The following UNK variants were observed in gnomAD, a reference collection of about 807,000 sequenced individuals.
UNK encodes RING finger protein unkempt homolog.
Under a neutral mutation model 97.6 loss-of-function variants are expected in UNK, and 32 were observed. That is an observed-to-expected ratio of 0.33 (90% CI 0.25 to 0.44). UNK has a LOEUF of 0.44. Ranked by LOEUF, UNK falls within the 20% of genes least tolerant of loss-of-function variation. The pLI is 1.00. For synonymous variants in UNK, 441 were observed against 461.2 expected (o/e 0.96, Z 0.56); for missense variants, 771 against 1,098.4 (o/e 0.70, Z 4.21).
At position 75,812,209 on chromosome 17, in the gene UNK, G is replaced by A; in HGVS notation, c.412G>A (p.Gly138Ser). 6.2e-7 allele frequency: 1 copy of A among 1,614,026 alleles called. No individual in the cohort carries two copies. Among genetic ancestry groups the A allele is most frequent in the Non-Finnish European group, 8.5e-7 (1 of 1,179,908 alleles). The part of the protein sequence containing the change: ...GICIHETDSK[G>S]NCTKNGLHCA... Reference sequence around the variant, plus strand: ...CTGCATCCACGAGACAGACTCGAAAGGCAACTGCACCAAAAACGGCCTGCA... The same window carrying A: ...CTGCATCCACGAGACAGACTCGAAAAGCAACTGCACCAAAAACGGCCTGCA... The change falls in exon 3 of 16, where the codon GGC becomes AGC. Residue 138 changes from glycine to serine, a missense_variant. Coordinates refer to ENST00000589666, the MANE Select transcript of UNK (RefSeq NM_001080419.3).
intron 1 of UNK, among the ~76,000 whole-genome samples, chr17:75,804,706 C>G (rs1008050867): frequency 6.7e-6 from 1 of 149,712 alleles, no homozygotes; most frequent in African/African-American, 2.5e-5. Flanking sequence ...CAGGTGTGGT[C>G]ACGGGCACCT....
chr17:75,820,009 C>T lies in UNK; in HGVS notation c.1738C>T (p.Pro580Ser). The change falls in exon 13 of 16, where the codon CCC becomes TCC. Residue 580 changes from proline (P) to serine (S), a missense_variant. This residue lies in a region of UNK where 91 missense variants were observed against 173.1 expected (regional missense o/e 0.53). Transcript: ENST00000589666. ...ASFHSASPSP[P>S]VSLSSHFLQQ... The stretch of plus-strand genomic sequence containing the variant: ...CTTCCACTCAGCATCCCCGTCCCCT[C>T]CCGTCAGCCTCTCCTCGCATTTCCT... The T allele has an allele frequency of 6.2e-7, 1 of 1,613,908 alleles. No individual in the cohort carries two copies. Among genetic ancestry groups the T allele is most frequent in the South Asian group, 1.1e-5 (1 of 91,088 alleles).
intron 5 of UNK, 131 bp downstream of exon 5, chr17:75,813,344 G>A (rs2061987545): frequency 1.5e-6 from 2 of 1,304,940 alleles, no homozygotes; most frequent in African/African-American, 3.0e-5. Flanking sequence ...GCAAGCCCAG[G>A]GCCCAGGGGA....
chr17:75,823,550 G>A, intron 15 of UNK, 28 bp downstream of exon 15: 1 of 1,508,382 alleles, frequency 6.6e-7, no homozygotes, highest in Non-Finnish European at 8.9e-7. Flanking sequence ...AGCACTGGGT[G>A]GGATGCACGG....
Position 75,805,810 on chromosome 17 carries a change from A to ATGTGTGTGTGTGTGTG in UNK, c.105-3930_105-3915dup, listed in dbSNP as rs61000364. 6.1e-3 allele frequency among the ~76,000 whole-genome samples: 890 copies of ATGTGTGTGTGTGTGTG among 145,370 alleles called. 6 individuals carry two copies. The highest frequency in any genetic ancestry group is 0.016 in the African/African-American group (617 of 39,168). On this transcript the variant is annotated intron_variant, in intron 1 of 15. Coordinates refer to ENST00000589666, the MANE Select transcript of UNK (RefSeq NM_001080419.3). ...GAGCCCCTGCCTTATAAAAAGAAAA[A>ATGTGTGTGTGTGTGTG]TGTGTGTGTGTGTGTGTGTGTGTGT...
chr17:75,789,235 T>G (rs1000505366), intron 1 of UNK, among the ~76,000 whole-genome samples: 1 of 152,238 alleles, frequency 6.6e-6, no homozygotes, highest in African/African-American at 2.4e-5. Flanking sequence ...AAAACAGTTA[T>G]GTCAGAAGTT....
intron 6 of UNK, 79 bp downstream of exon 6, chr17:75,813,957 G>GGATGGGTTCTGCC: frequency 1.5e-6 from 2 of 1,303,352 alleles, no homozygotes; most frequent in Non-Finnish European, 2.1e-6. Flanking sequence ...GATGTTGGCA[G>GGATGGGTTCTGCC]AACCCATCCT....
At chr17:75,807,636 G>T (rs1372613005) in intron 1 of UNK, among the ~76,000 whole-genome samples, 1 of 152,146 alleles carries the variant, frequency 6.6e-6, no homozygotes, top group Non-Finnish European at 1.5e-5. Flanking sequence ...TATTCTTTTA[G>T]TGGAGACATG....
chr17:75,824,232 A>G lies in UNK; in HGVS notation c.2278-30A>G. On this transcript the variant is annotated intron_variant, in intron 15 of 15. Transcript: ENST00000589666. This position sits in a 1 kb window ranked among gnomAD's most constrained non-coding sequence, Gnocchi z 4.9. ...GCTCAACTTGGGGCCAGACCCATGG[A>G]TGGTGACCACGATGCCCCTTTCCCT... 6.4e-7 allele frequency: 1 copy of G among 1,562,274 alleles called. No individual in the cohort carries two copies. The highest frequency in any genetic ancestry group is 8.7e-7 in the Non-Finnish European group (1 of 1,150,614).
chr17:75,799,924 G>T (rs1567797429), intron 1 of UNK, among the ~76,000 whole-genome samples: 1 of 152,116 alleles, frequency 6.6e-6, no homozygotes, highest in Non-Finnish European at 1.5e-5. Flanking sequence ...TTTGAGACCT[G>T]CTCAGGCAAT....
Position 75,787,873 on chromosome 17 carries a change from C to T in UNK, c.104+2889C>T, listed in dbSNP as rs113518773. Among the ~76,000 whole-genome samples the T allele has an allele frequency of 8.5e-3, 1,277 of 150,884 alleles. 14 individuals are homozygous for T. The highest frequency in any genetic ancestry group is 0.031 in the Middle Eastern group (9 of 294). The stretch of plus-strand genomic sequence containing the variant: ...GATCTCTCTGTGTTAACCAGGTGGA[C>T]TTGAATTCCTGGGCTCAAGCAGTCC... On this transcript the variant is annotated intron_variant, in intron 1 of 15. Coordinates refer to ENST00000589666, the MANE Select transcript of UNK (RefSeq NM_001080419.3).
intron 6 of UNK, among the ~76,000 whole-genome samples, chr17:75,814,319 C>T (rs11658385): frequency 0.49 from 74,016 of 151,628 alleles, 22,119 homozygotes; most frequent in Admixed American, 0.65. Context: ...CTGCAACATG[C>T]TATCTCTACT....
At position 75,823,515 on chromosome 17, in the gene UNK, T is replaced by C; in HGVS notation, c.2270T>C (p.Val757Ala). 6.4e-7 allele frequency: 1 copy of C among 1,558,892 alleles called. No individual in the cohort carries two copies. The highest frequency in any genetic ancestry group is 8.7e-7 in the Non-Finnish European group (1 of 1,146,208). ...QKQLRAHLEQ[V>A]DKAVFHMQSV... is the part of the protein sequence containing the mutation. ...CAACTGCGGGCCCACCTGGAACAAGTGGACAAGGTCAGCCCAGGTCGGGGA... is the reference window on the plus strand; with the variant it reads ...CAACTGCGGGCCCACCTGGAACAAGCGGACAAGGTCAGCCCAGGTCGGGGA... The change falls in exon 15 of 16, where the codon GTG (valine) becomes GCG (alanine). Residue 757 changes from valine to alanine, a missense_variant. Transcript: ENST00000589666.
rs1221872406 is a variant in UNK, at chr17:75,818,129, G to T, written c.1332G>T (p.Glu444Asp). The T allele has an allele frequency of 6.2e-7, 1 of 1,613,326 alleles. No individual in the cohort carries two copies. The highest frequency in any genetic ancestry group is 1.3e-5 in the African/African-American group (1 of 74,880). The change falls in exon 10 of 16, where the codon GAG (glutamate) becomes GAT (aspartate). Residue 444 changes from glutamate (E) to aspartate (D), a missense_variant. Transcript: ENST00000589666. The surrounding 1 kb of genome is among the most constrained non-coding windows in gnomAD (Gnocchi z 5.1). ...CQAKLKPHSL[E>D]PRSQEQPLLQ... ...CCAAATTAAAACCCCACTCATTAGAGCCCAGGAGTCAAGAGCAGCCTCTGC... is the reference window on the plus strand; with the variant it reads ...CCAAATTAAAACCCCACTCATTAGATCCCAGGAGTCAAGAGCAGCCTCTGC...
intron 5 of UNK, 106 bp downstream of exon 5, chr17:75,813,319 G>C: frequency 1.4e-6 from 2 of 1,423,056 alleles, no homozygotes; most frequent in South Asian, 2.8e-5. Flanking sequence ...GGCTGGTCCT[G>C]GGGATGACAG....
chr17:75,790,701 C>T (rs1336183151), intron 1 of UNK, among the ~76,000 whole-genome samples: 18 of 151,948 alleles, frequency 1.2e-4, no homozygotes, highest in Non-Finnish European at 4.4e-5. Flanking sequence ...GAGGCCGAGG[C>T]GAGTGGATCA....
chr17:75,803,867 A>G (rs2061886312), intron 1 of UNK, among the ~76,000 whole-genome samples: 1 of 152,238 alleles, frequency 6.6e-6, no homozygotes, highest in Admixed American at 6.5e-5. Context: ...TGAATGCTGA[A>G]TGGCTTTGGA....
intron 1 of UNK, among the ~76,000 whole-genome samples, chr17:75,790,099 C>T (rs1040747546): frequency 8.5e-4 from 130 of 152,218 alleles, no homozygotes; most frequent in African/African-American, 3.1e-3. Flanking sequence ...GCCGAGATCG[C>T]GCCATTGCAC....
intron 13 of UNK, among the ~76,000 whole-genome samples, chr17:75,820,935 C>T (rs1263277275): frequency 2.0e-5 from 3 of 152,208 alleles, no homozygotes; most frequent in African/African-American, 7.2e-5. Context: ...CAGAACAGCA[C>T]ATGGATTTCT....
Sources: allele counts gnomAD v4.1 joint callset (sites outside exome capture counted in the v4.1 genomes callset), GRCh38; gene constraint gnomAD v4.1.1; regional missense constraint gnomAD v4.1.1; non-coding constraint Gnocchi (gnomAD v3.1); transcripts MANE v1.5; gene names NCBI Gene and HGNC (gene_info 2026-07-23, HGNC 2026-07-21).